The following OR1J2 variants were observed in gnomAD, a reference collection of about 807,000 sequenced individuals.
OR1J2 encodes the protein olfactory receptor 1J2.
For synonymous variants in OR1J2, 142 were observed against 99.7 expected, an observed-to-expected ratio of 1.42 and a Z score of -2.52; for missense variants, 304 against 246.1, an observed-to-expected ratio of 1.24 and a Z score of -1.57.
chr9:122,489,694 A>G, the OR1J2 span, among the ~76,000 whole-genome samples: 1 of 152,326 alleles, frequency 6.6e-6, no homozygotes. Flanking sequence ...GGCTCACACA[A>G]CCTGTTCCCG....
At chr9:122,534,142 C>T in the OR1J2 span, among the ~76,000 whole-genome samples, 4 of 152,156 alleles carry the variant, frequency 2.6e-5, no homozygotes, top group Admixed American at 1.3e-4. Context: ...CTGTGCCCTG[C>T]GGTTTAGGCG....
the OR1J2 span, among the ~76,000 whole-genome samples, chr9:122,546,543 G>A: frequency 6.8e-4 from 104 of 152,174 alleles, no homozygotes; most frequent in African/African-American, 2.3e-3. Flanking sequence ...ACAAACAAAC[G>A]GAGAATGCAG....
the OR1J2 span, chr9:122,568,629 G>T: frequency 1.8e-6 from 1 of 566,414 alleles, no homozygotes; most frequent in African/African-American, 1.9e-5. Context: ...TCACCTCATG[G>T]TCCTTGATGG....
Position 122,511,717 on chromosome 9 carries a change from A to T in OR1J2, c.916A>T (p.Ser306Cys), listed in dbSNP as rs1211796913. ...DMKEALGKLF[S>C]RATFFSW ...GAAAGAGGCCCTTGGGAAACTCTTC[A>T]GTAGAGCAACATTTTTCTCTTGGTG... The change falls in exon 1 of 1, where the codon AGT (serine) becomes TGT (cysteine). Residue 306 changes from serine (S) to cysteine (C), a missense_variant. By Grantham distance (112) the Ser-to-Cys change is moderately radical (BLOSUM62 -1). Transcript: ENST00000335302. 1 of 780,894 alleles carries T rather than the reference A, an allele frequency of 1.3e-6. No homozygotes were observed. Among genetic ancestry groups the T allele is most frequent in the East Asian group, 2.4e-5 (1 of 41,262 alleles). 48.4% of individuals were successfully genotyped at this position (780,894 alleles called of 1,614,324 possible).
the OR1J2 span, among the ~76,000 whole-genome samples, chr9:122,485,771 G>A: frequency 6.6e-6 from 1 of 152,192 alleles, no homozygotes; most frequent in Non-Finnish European, 1.5e-5. Flanking sequence ...AGGAGACAAG[G>A]TTGGAGATTA....
chr9:122,464,720 G>A, the OR1J2 span, among the ~76,000 whole-genome samples: 1 of 152,306 alleles, frequency 6.6e-6, no homozygotes, highest in South Asian at 2.1e-4. Flanking sequence ...GGCAATCTAA[G>A]CTTCCATGGA....
At chr9:122,568,154 C>T in the OR1J2 span, 3 of 1,614,108 alleles carry the variant, frequency 1.9e-6, no homozygotes, top group Non-Finnish European at 2.5e-6. Context: ...CACTGTTGCC[C>T]AAGGCATAGA....
the OR1J2 span, among the ~76,000 whole-genome samples, chr9:122,496,341 C>T: frequency 6.6e-6 from 1 of 152,060 alleles, no homozygotes; most frequent in African/African-American, 2.4e-5. Flanking sequence ...TGAGAAAGAC[C>T]ACCAGGTGGG....
At chr9:122,559,220 G>C in the OR1J2 span, among the ~76,000 whole-genome samples, 6 of 151,980 alleles carry the variant, frequency 3.9e-5, no homozygotes, top group African/African-American at 1.2e-4. Flanking sequence ...TAAATCTTCA[G>C]CTTGTAGTAA....
chr9:122,579,412 G>A, the OR1J2 span, among the ~76,000 whole-genome samples: 1 of 152,024 alleles, frequency 6.6e-6, no homozygotes, highest in South Asian at 2.1e-4. Flanking sequence ...AGATTGCTTT[G>A]GAGATAAAGT....
At chr9:122,451,788 C>T in the OR1J2 span, among the ~76,000 whole-genome samples, 1 of 152,176 alleles carries the variant, frequency 6.6e-6, no homozygotes, top group African/African-American at 2.4e-5. Flanking sequence ...TACACATTTC[C>T]CATAACTGGT....
chr9:122,506,093 A>G (rs1002264014), upstream of OR1J2, among the ~76,000 whole-genome samples: 2 of 152,278 alleles, frequency 1.3e-5, no homozygotes, highest in Admixed American at 6.5e-5. Context: ...GGAGTGGGAT[A>G]TGGTTCTACC....
the OR1J2 span, among the ~76,000 whole-genome samples, chr9:122,576,307 C>T: frequency 0.05 from 7,660 of 151,986 alleles, 299 homozygotes; most frequent in South Asian, 0.16. Context: ...CTGCAACCTC[C>T]GCCTCCTGGG....
the OR1J2 span, among the ~76,000 whole-genome samples, chr9:122,558,253 GCTTA>G: frequency 9.0e-6 from 1 of 111,064 alleles, no homozygotes; most frequent in Non-Finnish European, 1.9e-5. Flanking sequence ...TTTTTCTTGT[GCTTA>G]CTTTGGATTT....
the OR1J2 span, among the ~76,000 whole-genome samples, chr9:122,495,339 A>C: frequency 6.6e-6 from 1 of 152,124 alleles, no homozygotes; most frequent in Non-Finnish European, 1.5e-5. Context: ...AGGTTTGGAC[A>C]TTTAACATAG....
At chr9:122,477,653 C>T in the OR1J2 span, 42 of 1,614,038 alleles carry the variant, frequency 2.6e-5, no homozygotes, top group Middle Eastern at 1.6e-4. Flanking sequence ...TTGTAAAAGA[C>T]GGCTAGGTGC....
the OR1J2 span, among the ~76,000 whole-genome samples, chr9:122,457,237 G>A: frequency 7.9e-5 from 12 of 152,094 alleles, no homozygotes; most frequent in Admixed American, 2.6e-4. Context: ...CAGGGGAAGG[G>A]AGAGCATCAA....
chr9:122,473,778 G>A, the OR1J2 span, among the ~76,000 whole-genome samples: 41 of 152,264 alleles, frequency 2.7e-4, no homozygotes, highest in African/African-American at 9.6e-4. Context: ...TGCTTCCTTT[G>A]TCAGATCTTT....
the OR1J2 span, chr9:122,519,959 T>A: frequency 6.2e-7 from 1 of 1,614,192 alleles, no homozygotes; most frequent in East Asian, 2.2e-5. Context: ...AGGACGTAAT[T>A]GCCTCTGTGA....
Sources: gnomAD v4.1 joint callset for allele counts (sites outside exome capture counted in the v4.1 genomes callset) on GRCh38, gnomAD v4.1.1 for gene constraint, MANE v1.5 for transcripts, NCBI Gene and HGNC (gene_info 2026-07-23, HGNC 2026-07-21) for gene names.